The following PRMT8 variants were observed in gnomAD, a reference collection of about 807,000 sequenced individuals.
PRMT8 encodes protein arginine N-methyltransferase 8.
A neutral mutation model predicts 47.1 loss-of-function variants in PRMT8; 7 were observed. The observed-to-expected ratio is 0.15, with a 90% CI of 0.08 to 0.28. The LOEUF is 0.28. Ranked by LOEUF, PRMT8 falls within the 10% of genes least tolerant of loss-of-function variation. The pLI is 1.00. For missense variants in PRMT8, 237 were observed against 505.4 expected, an observed-to-expected ratio of 0.47 and a Z score of 5.09; for synonymous variants, 188 against 186.5, an observed-to-expected ratio of 1.01 and a Z score of -0.07.
At chr12:3,390,212 A>G (rs909631822) in intron 1 of PRMT8, among the ~76,000 whole-genome samples, 3 of 152,232 alleles carry the variant, frequency 2.0e-5, no homozygotes, top group Non-Finnish European at 4.4e-5. Flanking sequence ...GCTCTTAGTT[A>G]TGGGATTTAA....
At chr12:3,489,839 G>A (rs56121928), upstream of PRMT8, among the ~76,000 whole-genome samples, 29,582 of 143,334 alleles carry the variant, frequency 0.21, 3,113 homozygotes, top group African/African-American at 0.24. Context: ...ACACACGCGC[G>A]CACACACACA....
intron 1 of PRMT8, among the ~76,000 whole-genome samples, chr12:3,426,329 C>T (rs1864604321): frequency 6.6e-6 from 1 of 152,178 alleles, no homozygotes; most frequent in Non-Finnish European, 1.5e-5. Context: ...TTCTATGATC[C>T]TCTAGTAAAA....
intron 3 of PRMT8, 106 bp from the exon 4 acceptor site, chr12:3,553,545 A>G: frequency 1.0e-6 from 1 of 970,482 alleles, no homozygotes; most frequent in East Asian, 2.4e-5. Context: ...GCCGTGGGCA[A>G]GTCACCACCC....
At chr12:3,581,185 G>A (rs1867055274) in intron 7 of PRMT8, among the ~76,000 whole-genome samples, 1 of 152,178 alleles carries the variant, frequency 6.6e-6, no homozygotes, top group Non-Finnish European at 1.5e-5. Context: ...TTTTGCAAGT[G>A]GCAGGACCCA....
intron 1 of PRMT8, among the ~76,000 whole-genome samples, chr12:3,479,768 C>T (rs921983103): frequency 6.6e-6 from 1 of 152,174 alleles, no homozygotes; most frequent in Non-Finnish European, 1.5e-5. Flanking sequence ...CCATCTTTGC[C>T]TAGGAATAAG....
chr12:3,549,646 T>A (rs1866383460), intron 2 of PRMT8, among the ~76,000 whole-genome samples: 1 of 152,224 alleles, frequency 6.6e-6, no homozygotes, highest in Non-Finnish European at 1.5e-5. Context: ...GTTGTACTGA[T>A]CTTTCCTTTG....
intron 1 of PRMT8, among the ~76,000 whole-genome samples, chr12:3,422,903 G>A (rs1001929354): frequency 2.6e-5 from 4 of 152,128 alleles, no homozygotes; most frequent in Admixed American, 1.3e-4. Context: ...CACTACCCAC[G>A]TCTTCTTGCA....
chr12:3,468,756 G>C (rs879487235), intron 1 of PRMT8, among the ~76,000 whole-genome samples: 4 of 152,218 alleles, frequency 2.6e-5, no homozygotes, highest in Admixed American at 6.5e-5. Context: ...GCCAAGAAAT[G>C]GTCAGCAAGC....
chr12:3,465,815 C>T (rs1055910827), intron 1 of PRMT8, among the ~76,000 whole-genome samples: 2 of 152,234 alleles, frequency 1.3e-5, no homozygotes, highest in African/African-American at 4.8e-5. Context: ...TTTGCTGCTT[C>T]TCACTCACAC....
intron 1 of PRMT8, among the ~76,000 whole-genome samples, chr12:3,391,221 GAC>G (rs1410942898): frequency 6.6e-6 from 1 of 152,174 alleles, no homozygotes; most frequent in Non-Finnish European, 1.5e-5. Flanking sequence ...AAATGCCTCT[GAC>G]ACAGAGCTTG....
intron 1 of PRMT8, among the ~76,000 whole-genome samples, chr12:3,437,107 G>T (rs893410304): frequency 6.6e-6 from 1 of 152,042 alleles, no homozygotes; most frequent in Non-Finnish European, 1.5e-5. Context: ...CACCCTCCTG[G>T]GGTATCCAAC....
intron 1 of PRMT8, among the ~76,000 whole-genome samples, chr12:3,511,583 T>G (rs1426883031): frequency 6.6e-6 from 1 of 152,180 alleles, no homozygotes; most frequent in Non-Finnish European, 1.5e-5. Context: ...TGGGTTTCTA[T>G]GCATCTAAGT....
In PRMT8 at chr12:3,553,791, C is replaced by T. The variant is rs981859582; in HGVS notation, c.481+77C>T. On this transcript the variant is annotated intron_variant, in intron 4 of 9. Coordinates refer to ENST00000382622, the MANE Select transcript of PRMT8 (RefSeq NM_019854.5). ...ACACTTTCTTGTTGGGATGGCATAGCGGGAGGAGCGCAGAGCACTTGGACT... is the reference window on the plus strand; with the variant it reads ...ACACTTTCTTGTTGGGATGGCATAGTGGGAGGAGCGCAGAGCACTTGGACT... The T allele has an allele frequency of 5.3e-5, 72 of 1,350,304 alleles. 1 individual carries two copies. The highest frequency in any genetic ancestry group is 8.2e-5 in the South Asian group (7 of 85,644). The allele number at this position is 1,350,304 out of a possible 1,614,324, so 83.6% of individuals were successfully genotyped here.
intron 1 of PRMT8, among the ~76,000 whole-genome samples, chr12:3,498,739 G>A (rs1445609030): frequency 2.6e-5 from 4 of 152,120 alleles, no homozygotes; most frequent in Admixed American, 1.3e-4. Context: ...AAGTCTCCAG[G>A]ACAGGAACTT....
At chr12:3,585,499 CA>C (rs1372056466) in intron 8 of PRMT8, among the ~76,000 whole-genome samples, 2 of 151,120 alleles carry the variant, frequency 1.3e-5, no homozygotes, top group African/African-American at 4.9e-5. Flanking sequence ...GCTGGGACTA[CA>C]GGCACATGCC....
At chr12:3,571,533 C>T (rs2137210791) in intron 6 of PRMT8, among the ~76,000 whole-genome samples, 1 of 152,110 alleles carries the variant, frequency 6.6e-6, no homozygotes, top group East Asian at 1.9e-4. Context: ...CAGCCTGGGG[C>T]AGGGAGGGGC....
intron 4 of PRMT8, among the ~76,000 whole-genome samples, chr12:3,567,807 C>T (rs1452059823): frequency 1.3e-5 from 2 of 152,140 alleles, no homozygotes; most frequent in African/African-American, 2.4e-5. Context: ...GCTGTGGTGG[C>T]TCATGCCTGT....
intron 1 of PRMT8, among the ~76,000 whole-genome samples, chr12:3,454,712 C>T (rs887507350): frequency 1.1e-4 from 17 of 152,180 alleles, no homozygotes; most frequent in Non-Finnish European, 1.0e-4. Context: ...ACCCAGCTTG[C>T]AGCGCACTTC....
upstream of PRMT8, among the ~76,000 whole-genome samples, chr12:3,486,598 TA>T (rs1865325760): frequency 6.6e-6 from 1 of 152,102 alleles, no homozygotes; most frequent in Admixed American, 6.5e-5. Context: ...ATGAAAGATT[TA>T]AAAAGGAGGA....
Sources: gnomAD v4.1 joint callset for allele counts (sites outside exome capture counted in the v4.1 genomes callset) on GRCh38, gnomAD v4.1.1 for gene constraint, MANE v1.5 for transcripts, NCBI Gene and HGNC (gene_info 2026-07-23, HGNC 2026-07-21) for gene names.